Variants in CPXM2 observed in about 807,000 individuals in gnomAD.
The protein encoded by CPXM2 is inactive carboxypeptidase-like protein X2.
A neutral mutation model predicts 86.1 loss-of-function variants in CPXM2; 66 were observed. The ratio of observed to expected loss-of-function variants is 0.77; its 90% confidence interval spans 0.63 to 0.94. The LOEUF is 0.94. Ranked by LOEUF, CPXM2 falls within the 40% of genes least tolerant of loss-of-function variation. The probability of loss-of-function intolerance (pLI) is 0.00; values close to 1 mark genes in which losing one functional copy is unlikely to be tolerated. For synonymous variants in CPXM2, 388 were observed against 400.2 expected, an observed-to-expected ratio of 0.97 and a Z score of 0.36; for missense variants, 948 against 1,026.3, an observed-to-expected ratio of 0.92 and a Z score of 1.04.
intron 1 of CPXM2, among the ~76,000 whole-genome samples, chr10:123,889,809 C>A (rs1277129857): frequency 6.6e-6 from 1 of 152,104 alleles, no homozygotes; most frequent in Non-Finnish European, 1.5e-5. Flanking sequence ...CTGGGGCTCT[C>A]TTCCACTTTC....
intron 2 of CPXM2, among the ~76,000 whole-genome samples, chr10:123,864,254 TGA>T (rs1331030190): frequency 6.6e-6 from 1 of 150,574 alleles, no homozygotes; most frequent in Non-Finnish European, 1.5e-5. Context: ...CCCCACCCAC[TGA>T]GAGAGAGACC....
chr10:123,831,459 G>A (rs1848164724), intron 4 of CPXM2, among the ~76,000 whole-genome samples: 1 of 152,204 alleles, frequency 6.6e-6, no homozygotes, highest in Admixed American at 6.5e-5. Context: ...GTCATTTGAG[G>A]ACTTTCATGT....
intron 3 of CPXM2, among the ~76,000 whole-genome samples, chr10:123,845,478 T>C (rs1848477509): frequency 6.6e-6 from 1 of 152,084 alleles, no homozygotes. Flanking sequence ...GAAATTAAAA[T>C]GTGAAAGTTG....
intron 2 of CPXM2, among the ~76,000 whole-genome samples, chr10:123,863,638 G>A (rs1291359842): frequency 1.3e-5 from 2 of 152,158 alleles, no homozygotes; most frequent in African/African-American, 2.4e-5. Context: ...TGACCAGCAG[G>A]GTTAATCCTC....
chr10:123,833,110 T>C (rs1848200855), intron 4 of CPXM2, among the ~76,000 whole-genome samples: 1 of 152,132 alleles, frequency 6.6e-6, no homozygotes, highest in African/African-American at 2.4e-5. Context: ...AGTTTCCCAG[T>C]CTAAGGTATT....
At chr10:123,847,050 A>G (rs1848509117) in intron 3 of CPXM2, among the ~76,000 whole-genome samples, 2 of 152,208 alleles carry the variant, frequency 1.3e-5, no homozygotes, top group South Asian at 4.1e-4. Context: ...TTTCAGTCAT[A>G]ATAATGAAAA....
rs1176488435 is a variant in CPXM2 at position 123,754,743 on chromosome 10, C to T, written c.1937G>A (p.Gly646Asp). ...TTTTCCATGTGAATCTCTCACCAAG[C>T]CTTTAATGCCACGATGAACCTGCTC... The part of the protein sequence containing the change: ...FMEQVHRGIK[G>D]LVRDSHGKGI... Residue 646 changes from glycine to aspartate, a missense_variant, in exon 13 of 14, where the codon GGC becomes GAC. Coordinates refer to ENST00000241305, the MANE Select transcript of CPXM2 (RefSeq NM_198148.3). The surrounding 1 kb of genome is among the most constrained non-coding windows in gnomAD (Gnocchi z 4.0). The T allele has an allele frequency of 6.2e-7, 1 of 1,606,526 alleles. No individual in the cohort carries two copies. The highest frequency in any genetic ancestry group is 1.3e-5 in the African/African-American group (1 of 74,746).
chr10:123,925,423 GC>G, intron 2 of CPXM2, among the ~76,000 whole-genome samples: 1 of 152,284 alleles, frequency 6.6e-6, no homozygotes. Context: ...TGCTAAATCT[GC>G]AAAACACATT....
At position 123,780,218 on chromosome 10, in the gene CPXM2, G is replaced by T; in HGVS notation, c.927C>A (p.Thr309=). Residue 309 remains threonine (T), a synonymous_variant, in exon 7 of 14, where the codon ACC becomes ACA. Transcript: ENST00000241305. ...NNYYHRRNEM[T]TTDDLDFKHH... is the part of the protein sequence containing the mutation. ...GCTTAAAATCCAGGTCATCAGTGGTGGTCATCTCGTTCCGGCGGTGATAAT... is the reference window on the plus strand; with the variant it reads ...GCTTAAAATCCAGGTCATCAGTGGTTGTCATCTCGTTCCGGCGGTGATAAT... The T allele has an allele frequency of 6.2e-7, 1 of 1,611,350 alleles. No individual in the cohort carries two copies. Among genetic ancestry groups the T allele is most frequent in the Non-Finnish European group, 8.5e-7 (1 of 1,177,460 alleles).
chr10:123,941,584 A>C (rs1490605146), upstream of CPXM2, among the ~76,000 whole-genome samples: 1 of 152,224 alleles, frequency 6.6e-6, no homozygotes, highest in African/African-American at 2.4e-5. Context: ...CGCAACATAC[A>C]TTTTTGGAGG....
Position 123,865,677 on chromosome 10 carries a change from G to T in CPXM2, c.404-2954C>A, listed in dbSNP as rs1397141216. ...CAGGGTGCTGTTAGCAAAACAAGGG[G>T]ACGCCAAATTCACAACCGACATGGG... On this transcript the variant is annotated intron_variant, in intron 2 of 13. Coordinates refer to ENST00000241305, the MANE Select transcript of CPXM2 (RefSeq NM_198148.3). This position sits in a 1 kb window ranked among gnomAD's most constrained non-coding sequence, Gnocchi z 4.7. Among the ~76,000 whole-genome samples, 2 of 152,170 alleles carry T rather than the reference G, an allele frequency of 1.3e-5. No individual in the cohort carries two copies. Among genetic ancestry groups the T allele is most frequent in the African/African-American group, 2.4e-5 (1 of 41,436 alleles).
chr10:123,881,094 T>C (rs1945081754), intron 1 of CPXM2, among the ~76,000 whole-genome samples: 1 of 151,838 alleles, frequency 6.6e-6, no homozygotes, highest in African/African-American at 2.4e-5. Context: ...GCCATGCTCC[T>C]GCTGGCCCCT....
At position 123,889,268 on chromosome 10, in the gene CPXM2, A is replaced by G. The variant is rs115770248; in HGVS notation, c.304+2088T>C. Reference sequence around the variant, plus strand: ...TTAGGAATGATGTCCGGTCACTTGTACGAGTCCCCAGGACAATCAAGCTGA... The same window carrying G: ...TTAGGAATGATGTCCGGTCACTTGTGCGAGTCCCCAGGACAATCAAGCTGA... On this transcript the variant is annotated intron_variant, in intron 1 of 13. Transcript: ENST00000241305. Among the ~76,000 whole-genome samples the G allele has an allele frequency of 1.6e-3, 242 of 152,220 alleles. 1 individual carries two copies. Among genetic ancestry groups the G allele is most frequent in the African/African-American group, 5.5e-3 (230 of 41,540 alleles).
chr10:123,854,994 A>G (rs1303307979), intron 3 of CPXM2, among the ~76,000 whole-genome samples: 1 of 151,878 alleles, frequency 6.6e-6, no homozygotes, highest in African/African-American at 2.4e-5. Context: ...CTTTGGTTAC[A>G]TTGTCCTTCT....
intron 13 of CPXM2, chr10:123,752,633 TG>T (rs1478676679): frequency 2.0e-6 from 2 of 985,098 alleles, no homozygotes; most frequent in African/African-American, 3.5e-5. Context: ...GACAGGATCA[TG>T]GGAACAGTTT....
intron 3 of CPXM2, among the ~76,000 whole-genome samples, chr10:123,852,148 T>G (rs573440217): frequency 6.6e-6 from 1 of 152,188 alleles, no homozygotes; most frequent in Non-Finnish European, 1.5e-5. Flanking sequence ...AGTTTCCCTA[T>G]CTGGGCTCCC....
chr10:123,942,605 C>T (rs542765946), upstream of CPXM2, among the ~76,000 whole-genome samples: 1 of 152,334 alleles, frequency 6.6e-6, no homozygotes, highest in South Asian at 2.1e-4. Context: ...GAGGAACCCT[C>T]AGTTCCAGAA....
chr10:123,902,928 G>T (rs1444504260), intron 2 of CPXM2, among the ~76,000 whole-genome samples: 5 of 152,184 alleles, frequency 3.3e-5, no homozygotes, highest in African/African-American at 9.7e-5. Context: ...CCTCCCCACC[G>T]TGCCCTTTCA....
At chr10:123,931,754 A>G (rs1363784150) in intron 2 of CPXM2, among the ~76,000 whole-genome samples, 3 of 152,258 alleles carry the variant, frequency 2.0e-5, no homozygotes, top group African/African-American at 7.2e-5. Context: ...AGATTAGTAT[A>G]TTCATATCAG....
Sources: gnomAD v4.1 joint callset for allele counts (sites outside exome capture counted in the v4.1 genomes callset) on GRCh38, gnomAD v4.1.1 for gene constraint, Gnocchi (gnomAD v3.1) non-coding constraint, MANE v1.5 for transcripts, NCBI Gene and HGNC (gene_info 2026-07-23, HGNC 2026-07-21) for gene names.